The following ADAMTS6 variants were observed in gnomAD, a reference collection of about 807,000 sequenced individuals.
ADAMTS6 encodes the protein A disintegrin and metalloproteinase with thrombospondin motifs 6.
A neutral mutation model predicts 144.3 loss-of-function variants in ADAMTS6; 23 were observed. That is an observed-to-expected ratio of 0.16 (90% CI 0.11 to 0.23). ADAMTS6 has a LOEUF of 0.23. Ranked by LOEUF, ADAMTS6 falls within the 10% of genes least tolerant of loss-of-function variation. The pLI is 1.00. For synonymous variants in ADAMTS6, 444 were observed against 457.5 expected (o/e 0.97, Z 0.38); for missense variants, 999 against 1,379.6 (o/e 0.72, Z 4.37).
chr5:65,413,422 G>A (rs900347907), intron 7 of ADAMTS6, among the ~76,000 whole-genome samples: 2 of 152,062 alleles, frequency 1.3e-5, no homozygotes, highest in Non-Finnish European at 2.9e-5. Context: ...AAACATGGCA[G>A]GGATTTTTTA....
chr5:65,354,952 G>T (rs932509053), intron 7 of ADAMTS6, among the ~76,000 whole-genome samples: 1 of 151,662 alleles, frequency 6.6e-6, no homozygotes, highest in Non-Finnish European at 1.5e-5. Context: ...AACTATGAAG[G>T]CATATTTGGC....
chr5:65,397,644 A>G (rs62370701), intron 7 of ADAMTS6, among the ~76,000 whole-genome samples: 16,063 of 152,050 alleles, frequency 0.11, 929 homozygotes, highest in Middle Eastern at 0.13. Context: ...TGGTAGGCCC[A>G]GGAGACCAGA....
intron 4 of ADAMTS6, among the ~76,000 whole-genome samples, chr5:65,458,444 C>T (rs1306913450): frequency 1.3e-5 from 2 of 152,184 alleles, no homozygotes; most frequent in Non-Finnish European, 2.9e-5. Flanking sequence ...TGGAGTCTCA[C>T]TCTGTCACCC....
intron 7 of ADAMTS6, among the ~76,000 whole-genome samples, chr5:65,408,276 T>C (rs887709239): frequency 3.1e-4 from 47 of 152,116 alleles, no homozygotes; most frequent in African/African-American, 1.1e-3. Context: ...GAGACACACA[T>C]AGGCTCAAAA....
chr5:65,375,914 T>C (rs1318284903), intron 7 of ADAMTS6, among the ~76,000 whole-genome samples: 3 of 152,176 alleles, frequency 2.0e-5, no homozygotes, highest in East Asian at 3.8e-4. Flanking sequence ...ATATACACCA[T>C]GGAATACTAT....
chr5:65,163,686 T>C (rs1752929994), intron 24 of ADAMTS6, among the ~76,000 whole-genome samples: 1 of 152,248 alleles, frequency 6.6e-6, no homozygotes, highest in Non-Finnish European at 1.5e-5. Context: ...ATTATTTGAC[T>C]ATATATTAAT....
rs552135807 is a variant in ADAMTS6 at position 65,303,290 on chromosome 5, T to C, written c.1224-3159A>G. ...TTCTATAATAAACTCCTTTTATCCC[T>C]GTCTACTTCTTATGTGAACAAATTT... is the stretch of plus-strand genomic sequence containing the variant. On this transcript the variant is annotated intron_variant, in intron 9 of 24. Coordinates refer to ENST00000381055, the MANE Select transcript of ADAMTS6 (RefSeq NM_197941.4). Among the ~76,000 whole-genome samples the C allele has an allele frequency of 8.5e-5, 13 of 152,274 alleles. No homozygotes were observed. In the East Asian group the frequency reaches 2.5e-3, roughly 29 times the overall value.
chr5:65,242,048 T>G (rs1198526931), intron 15 of ADAMTS6, 56 bp downstream of exon 15: 3 of 1,210,798 alleles, frequency 2.5e-6, no homozygotes, highest in African/African-American at 3.0e-5. Context: ...TATTTGTATA[T>G]TCTTTGATAT....
chr5:65,458,680 G>A (rs557298764), intron 4 of ADAMTS6, among the ~76,000 whole-genome samples: 1 of 152,210 alleles, frequency 6.6e-6, no homozygotes, highest in Admixed American at 6.5e-5. Flanking sequence ...AAAGTGCTGG[G>A]ATTACAGGCG....
intron 7 of ADAMTS6, among the ~76,000 whole-genome samples, chr5:65,369,735 C>A (rs1227414262): frequency 3.3e-5 from 5 of 152,094 alleles, no homozygotes; most frequent in Non-Finnish European, 1.5e-5. Flanking sequence ...AAGTACTATA[C>A]ATTGGGTATA....
At chr5:65,259,147 A>T (rs1002300766) in intron 14 of ADAMTS6, among the ~76,000 whole-genome samples, 5 of 152,158 alleles carry the variant, frequency 3.3e-5, no homozygotes, top group Non-Finnish European at 7.4e-5. Flanking sequence ...ACCTGAGGTC[A>T]GGAGTTCGAG....
chr5:65,429,011 A>T (rs1263832110), intron 7 of ADAMTS6, among the ~76,000 whole-genome samples: 1 of 152,154 alleles, frequency 6.6e-6, no homozygotes, highest in Non-Finnish European at 1.5e-5. Flanking sequence ...ACTTGAAGGA[A>T]ATTGAGAAAA....
chr5:65,312,616 T>A (rs1744607195), intron 9 of ADAMTS6, among the ~76,000 whole-genome samples: 1 of 152,022 alleles, frequency 6.6e-6, no homozygotes, highest in South Asian at 2.1e-4. Flanking sequence ...TTAATAAGGG[T>A]GGTGCCTAGC....
intron 7 of ADAMTS6, among the ~76,000 whole-genome samples, chr5:65,383,395 T>C (rs1752205358): frequency 6.6e-6 from 1 of 152,038 alleles, no homozygotes; most frequent in Admixed American, 6.6e-5. Flanking sequence ...GGGTCAGGCA[T>C]AGGATAGATG....
intron 7 of ADAMTS6, among the ~76,000 whole-genome samples, chr5:65,381,973 T>C (rs1752083515): frequency 6.6e-6 from 1 of 152,192 alleles, no homozygotes; most frequent in African/African-American, 2.4e-5. Context: ...AACATGGTAA[T>C]ATATCATAAT....
chr5:65,352,146 C>T (rs1005183903), intron 7 of ADAMTS6, among the ~76,000 whole-genome samples: 14 of 145,356 alleles, frequency 9.6e-5, no homozygotes, highest in African/African-American at 3.2e-4. Flanking sequence ...CTGCCCTCTA[C>T]AAAGCATAGA....
chr5:65,215,603 C>T, intron 18 of ADAMTS6, 116 bp from the exon 19 acceptor site: 1 of 846,782 alleles, frequency 1.2e-6, no homozygotes, highest in Non-Finnish European at 1.8e-6. Flanking sequence ...AGAGATGTGA[C>T]TCTTGACCAT....
chr5:65,343,225 C>T (rs1748018275), intron 7 of ADAMTS6, among the ~76,000 whole-genome samples: 1 of 151,860 alleles, frequency 6.6e-6, no homozygotes, highest in Admixed American at 6.6e-5. Context: ...CAAAAGACCC[C>T]GAATAGACAC....
chr5:65,386,929 G>C (rs776344144), intron 7 of ADAMTS6, among the ~76,000 whole-genome samples: 2 of 152,126 alleles, frequency 1.3e-5, no homozygotes, highest in Non-Finnish European at 2.9e-5. Flanking sequence ...AGCATTGACT[G>C]TTCATTTTTT....
Sources: allele counts gnomAD v4.1 joint callset (sites outside exome capture counted in the v4.1 genomes callset), GRCh38; gene constraint gnomAD v4.1.1; transcripts MANE v1.5; gene names NCBI Gene and HGNC (gene_info 2026-07-23, HGNC 2026-07-21).